KLHL3: variants seen among roughly 807,000 people sequenced by gnomAD.
KLHL3 encodes the protein kelch like family member 3.
Under a neutral mutation model 70.5 loss-of-function variants are expected in KLHL3, and 19 were observed. The ratio of observed to expected loss-of-function variants is 0.27; its 90% CI spans 0.19 to 0.40. The LOEUF is 0.40. Among genes scored for constraint, KLHL3 ranks in the 10% least tolerant of loss-of-function variants. KLHL3 has a pLI of 1.00. For missense variants in KLHL3, 512 were observed against 771.1 expected (o/e 0.66, Z 3.98); for synonymous variants, 258 against 290.3 (o/e 0.89, Z 1.13).
chr5:137,657,016 T>C (rs1018254137), intron 8 of KLHL3, among the ~76,000 whole-genome samples: 4 of 152,252 alleles, frequency 2.6e-5, no homozygotes, highest in Admixed American at 1.3e-4. Context: ...CAATAAAGGT[T>C]AGCTGCTTGT....
intron 3 of KLHL3, among the ~76,000 whole-genome samples, chr5:137,707,202 A>C (rs1038950968): frequency 6.6e-6 from 1 of 152,238 alleles, no homozygotes; most frequent in African/African-American, 2.4e-5. Flanking sequence ...TGGGAGCCGA[A>C]GCAGGTGGAT....
At chr5:137,666,657 G>C (rs1449976654) in intron 6 of KLHL3, among the ~76,000 whole-genome samples, 1 of 152,134 alleles carries the variant, frequency 6.6e-6, no homozygotes, top group East Asian at 1.9e-4. Flanking sequence ...GTTCCACTTA[G>C]TCACACTGTT....
chr5:137,637,424 C>T (rs370987663), intron 10 of KLHL3, 29 bp from the exon 11 acceptor site: 15 of 1,598,990 alleles, frequency 9.4e-6, no homozygotes, highest in African/African-American at 2.7e-5. Context: ...ATGAGACTTC[C>T]GTGGCACCAG....
chr5:137,670,887 C>T (rs1397322456), intron 6 of KLHL3, among the ~76,000 whole-genome samples: 7 of 150,838 alleles, frequency 4.6e-5, no homozygotes, highest in Admixed American at 4.0e-4. Flanking sequence ...GCAGGAGAAA[C>T]GCTTGAACCT....
At chr5:137,655,435 A>G (rs1183237850) in intron 8 of KLHL3, among the ~76,000 whole-genome samples, 1 of 152,222 alleles carries the variant, frequency 6.6e-6, no homozygotes, top group Non-Finnish European at 1.5e-5. Flanking sequence ...ATGTAAAACA[A>G]AAATTATAAA....
At position 137,735,823 on chromosome 5, in the gene KLHL3, G is replaced by A. The variant is rs1580794316; in HGVS notation, c.-177C>T. On this transcript the variant is annotated 5_prime_UTR_variant, in exon 1 of 15. Coordinates refer to ENST00000309755, the MANE Select transcript of KLHL3 (RefSeq NM_017415.3). The stretch of plus-strand genomic sequence containing the variant: ...TCCTCCTTCCTCTGACTTACTCGCA[G>A]CAGCTTCTACCGCAAAAGCAGCAGC... 1.3e-6 allele frequency: 1 copy of A among 794,948 alleles called. No homozygotes were observed. The highest frequency in any genetic ancestry group is 2.5e-5 in the East Asian group (1 of 39,458). The allele number at this position is 794,948 out of a possible 1,614,324, so 49.2% of individuals were successfully genotyped here. A position where few individuals can be genotyped will look rare whatever the true frequency, so the allele number is the denominator to read the frequency against.
intron 5 of KLHL3, among the ~76,000 whole-genome samples, chr5:137,684,085 G>C (rs1752104071): frequency 6.6e-6 from 1 of 152,200 alleles, no homozygotes; most frequent in Non-Finnish European, 1.5e-5. Context: ...TTAGGACACA[G>C]ACCTCTGCAG....
chr5:137,655,903 A>T (rs1751329181), intron 8 of KLHL3, among the ~76,000 whole-genome samples: 3 of 150,506 alleles, frequency 2.0e-5, no homozygotes. Context: ...AGGTGGGAGG[A>T]TCACTTGAGC....
chr5:137,689,024 G>A (rs1752254065), intron 5 of KLHL3, among the ~76,000 whole-genome samples: 1 of 152,248 alleles, frequency 6.6e-6, no homozygotes, highest in African/African-American at 2.4e-5. Flanking sequence ...GGGCAAAGGA[G>A]AAAACACAGA....
chr5:137,691,289 A>G (rs1354091498), intron 5 of KLHL3, among the ~76,000 whole-genome samples: 1 of 152,208 alleles, frequency 6.6e-6, no homozygotes, highest in Non-Finnish European at 1.5e-5. Context: ...ATTATAATAG[A>G]TGGCTTAGTT....
At chr5:137,633,879 G>T (rs985151454) in intron 12 of KLHL3, among the ~76,000 whole-genome samples, 158 bp downstream of exon 12, 1 of 152,166 alleles carries the variant, frequency 6.6e-6, no homozygotes, top group African/African-American at 2.4e-5. Flanking sequence ...CACTATTTGC[G>T]TGATGGGTAC....
intron 7 of KLHL3, among the ~76,000 whole-genome samples, chr5:137,658,859 A>G (rs1484445918): frequency 6.6e-6 from 1 of 152,228 alleles, no homozygotes; most frequent in Non-Finnish European, 1.5e-5. Context: ...CAGAGTAACA[A>G]CATCAGAGCA....
At chr5:137,696,435 G>C (rs1367654823) in intron 4 of KLHL3, among the ~76,000 whole-genome samples, 1 of 152,226 alleles carries the variant, frequency 6.6e-6, no homozygotes, top group Non-Finnish European at 1.5e-5. Flanking sequence ...TGCAACTGAG[G>C]ACAAATTACT....
intron 13 of KLHL3, among the ~76,000 whole-genome samples, chr5:137,627,826 C>T (rs1750516083): frequency 6.6e-6 from 1 of 152,178 alleles, no homozygotes; most frequent in African/African-American, 2.4e-5. Context: ...AAGGAGAACT[C>T]ATCAAGGGTC....
intron 5 of KLHL3, among the ~76,000 whole-genome samples, chr5:137,686,426 C>T (rs1246217912): frequency 6.6e-6 from 1 of 152,222 alleles, no homozygotes; most frequent in East Asian, 1.9e-4. Flanking sequence ...TGCGCTACTC[C>T]CATGATAGAG....
chr5:137,681,979 C>A (rs1188315285), intron 5 of KLHL3, among the ~76,000 whole-genome samples: 1 of 152,084 alleles, frequency 6.6e-6, no homozygotes, highest in African/African-American at 2.4e-5. Flanking sequence ...AACATATCTT[C>A]CCAATGTTAA....
intron 14 of KLHL3, among the ~76,000 whole-genome samples, chr5:137,623,514 C>G (rs1018337417): frequency 8.5e-5 from 13 of 152,174 alleles, no homozygotes; most frequent in African/African-American, 1.2e-4. Flanking sequence ...TTCTTGAAAG[C>G]AGGCTCCTGT....
At chr5:137,662,745 A>C (rs1252447868) in intron 6 of KLHL3, among the ~76,000 whole-genome samples, 1 of 152,200 alleles carries the variant, frequency 6.6e-6, no homozygotes, top group African/African-American at 2.4e-5. Flanking sequence ...TTGGAGGGGC[A>C]ATGGGGAAAC....
intron 5 of KLHL3, among the ~76,000 whole-genome samples, chr5:137,679,951 T>C (rs1751982937): frequency 1.3e-5 from 2 of 152,240 alleles, no homozygotes; most frequent in African/African-American, 4.8e-5. Context: ...GGAAAATGCC[T>C]TCCCGTTTCC....
Sources: allele counts gnomAD v4.1 joint callset (sites outside exome capture counted in the v4.1 genomes callset), GRCh38; gene constraint gnomAD v4.1.1; transcripts MANE v1.5; gene names NCBI Gene and HGNC (gene_info 2026-07-23, HGNC 2026-07-21).